The following PPP2R2B variants were observed in gnomAD, a reference collection of about 807,000 sequenced individuals.
PPP2R2B encodes protein phosphatase 2 regulatory subunit Bbeta.
PPP2R2B carries 5 observed loss-of-function variants against 46.0 expected under a neutral mutation model. The ratio of observed to expected loss-of-function variants is 0.11; its 90% CI spans 0.06 to 0.23. PPP2R2B has a LOEUF of 0.23. Ranked by LOEUF, PPP2R2B falls within the 10% of genes least tolerant of loss-of-function variation. The pLI is 1.00. For missense variants in PPP2R2B, 367 were observed against 575.0 expected, an observed-to-expected ratio of 0.64 and a Z score of 3.70; for synonymous variants, 215 against 206.7, an observed-to-expected ratio of 1.04 and a Z score of -0.34.
intron 2 of PPP2R2B, among the ~76,000 whole-genome samples, chr5:146,773,703 T>G (rs1331224053): frequency 6.6e-6 from 1 of 152,196 alleles, no homozygotes; most frequent in Non-Finnish European, 1.5e-5. Flanking sequence ...AATTCTCTTT[T>G]TTTCTGCATG....
chr5:146,715,461 G>C (rs971315427), intron 2 of PPP2R2B, among the ~76,000 whole-genome samples: 1 of 152,052 alleles, frequency 6.6e-6, no homozygotes, highest in South Asian at 2.1e-4. Flanking sequence ...TGCAAGCCAG[G>C]CACGGCGTTC....
At chr5:146,741,595 C>T (rs983676698) in intron 2 of PPP2R2B, among the ~76,000 whole-genome samples, 4 of 152,064 alleles carry the variant, frequency 2.6e-5, no homozygotes, top group South Asian at 2.1e-4. Context: ...GAAGGGCGAC[C>T]GCCTCTCGGG....
intron 1 of PPP2R2B, among the ~76,000 whole-genome samples, chr5:146,884,272 C>A (rs1185369143): frequency 3.3e-5 from 5 of 151,968 alleles, no homozygotes; most frequent in Non-Finnish European, 7.4e-5. Context: ...ACCATTCAAC[C>A]AAACTTCTGC....
chr5:146,698,298 GAAAAA>G (rs779839513), intron 3 of PPP2R2B, among the ~76,000 whole-genome samples, 154 bp from the exon 4 acceptor site: 6 of 14,496 alleles, frequency 4.1e-4, no homozygotes, highest in African/African-American at 1.6e-3. Flanking sequence ...TAGCACCTCT[GAAAAA>G]AAAAAAAAAA....
rs142634233 is a variant in PPP2R2B at position 146,638,284 on chromosome 5, G to T, written c.757C>A (p.Arg253=). 2.5e-5 allele frequency: 41 copies of T among 1,613,814 alleles called. No homozygotes were observed. The highest frequency in any genetic ancestry group is 1.7e-4 in the Middle Eastern group (1 of 6,060). ...TGCCTGTCACACAGGGCAGATGCCC[G>T]CATGTCACACAGCCGGATTGTCCCT... ...SKGTIRLCDM[R]ASALCDRHTK... Residue 253 remains arginine (R), a synonymous_variant, in exon 7 of 10, where the codon CGG becomes AGG. Coordinates refer to ENST00000394411, the MANE Select transcript of PPP2R2B (RefSeq NM_181675.4).
intron 1 of PPP2R2B, among the ~76,000 whole-genome samples, chr5:146,970,349 C>T (rs1018280980): frequency 6.6e-6 from 1 of 151,716 alleles, no homozygotes; most frequent in African/African-American, 2.4e-5. Context: ...GCCTGTAATC[C>T]CAGCATTTTG....
chr5:146,903,908 A>G (rs1435827505), intron 1 of PPP2R2B, among the ~76,000 whole-genome samples: 1 of 152,224 alleles, frequency 6.6e-6, no homozygotes, highest in East Asian at 1.9e-4. Flanking sequence ...GTTGGCACAC[A>G]GTACCAAATG....
intron 2 of PPP2R2B, among the ~76,000 whole-genome samples, chr5:146,848,913 T>C (rs1164403660): frequency 2.0e-5 from 3 of 152,238 alleles, no homozygotes; most frequent in Admixed American, 2.0e-4. Context: ...ATTGATTTTA[T>C]ACTTTGGGAT....
chr5:146,736,407 A>C (rs1419760989), intron 2 of PPP2R2B, among the ~76,000 whole-genome samples: 1 of 152,142 alleles, frequency 6.6e-6, no homozygotes, highest in Admixed American at 6.5e-5. Flanking sequence ...TCATCACAGA[A>C]ATCTTATGAT....
intron 1 of PPP2R2B, among the ~76,000 whole-genome samples, chr5:147,007,534 C>G (rs1754502600): frequency 6.6e-6 from 1 of 152,162 alleles, no homozygotes; most frequent in African/African-American, 2.4e-5. Flanking sequence ...AAGCTGGCCA[C>G]CGGAGCCAGC....
intron 7 of PPP2R2B, among the ~76,000 whole-genome samples, chr5:146,619,515 C>T (rs1390566921): frequency 4.6e-5 from 7 of 152,182 alleles, no homozygotes; most frequent in Non-Finnish European, 2.9e-5. Flanking sequence ...TTCCACTCTG[C>T]TCCGGCTGAA....
chr5:146,893,939 G>A (rs1296146500), intron 1 of PPP2R2B, among the ~76,000 whole-genome samples: 3 of 151,224 alleles, frequency 2.0e-5, no homozygotes, highest in Non-Finnish European at 4.4e-5. Flanking sequence ...CCAGCTACTC[G>A]GGAGGCTGAG....
chr5:146,589,660 G>C lies in PPP2R2B; in HGVS notation c.*287C>G, dbSNP rs986376872. The stretch of plus-strand genomic sequence containing the variant: ...TAGGAACAAAACACTGGACCCACCA[G>C]AGAAAACTGGGCAATAAAAGCATCA... On this transcript the variant is annotated 3_prime_UTR_variant, in exon 10 of 10. Transcript: ENST00000394411. The C allele has an allele frequency of 5.3e-6, 2 of 375,482 alleles. No homozygotes were observed. The highest frequency in any genetic ancestry group is 9.6e-6 in the Non-Finnish European group (2 of 207,506). 23.3% of individuals were successfully genotyped at this position (375,482 alleles called of 1,614,324 possible). A position where few individuals can be genotyped will look rare whatever the true frequency, so the allele number is the denominator to read the frequency against.
chr5:146,813,326 T>A (rs1757744153), intron 2 of PPP2R2B, among the ~76,000 whole-genome samples: 1 of 152,064 alleles, frequency 6.6e-6, no homozygotes, highest in African/African-American at 2.4e-5. Context: ...ATTATTTGGA[T>A]GCATATTTTT....
intron 2 of PPP2R2B, among the ~76,000 whole-genome samples, chr5:146,832,377 A>ATTTTTT: frequency 9.6e-6 from 1 of 104,298 alleles, no homozygotes; most frequent in Non-Finnish European, 2.0e-5. Context: ...GCCATTTTTA[A>ATTTTTT]TCTTTTTTTT....
At chr5:146,695,857 G>A (rs1378446041) in intron 4 of PPP2R2B, among the ~76,000 whole-genome samples, 4 of 152,000 alleles carry the variant, frequency 2.6e-5, no homozygotes, top group Non-Finnish European at 5.9e-5. Context: ...GCCTAAGGGG[G>A]ATTCTCAACC....
intron 2 of PPP2R2B, among the ~76,000 whole-genome samples, chr5:147,067,374 T>A (rs989789145): frequency 2.6e-5 from 4 of 152,106 alleles, no homozygotes; most frequent in African/African-American, 7.2e-5. Flanking sequence ...TGTGCTTGAC[T>A]TTTTTAGATT....
chr5:146,990,517 T>C (rs796331783), intron 1 of PPP2R2B, among the ~76,000 whole-genome samples: 4 of 152,176 alleles, frequency 2.6e-5, no homozygotes, highest in South Asian at 2.1e-4. Context: ...GATAGTCACA[T>C]GAAGAAGAAT....
At chr5:146,875,712 C>A (rs144729348) in intron 2 of PPP2R2B, among the ~76,000 whole-genome samples, 4 of 152,300 alleles carry the variant, frequency 2.6e-5, no homozygotes, top group Non-Finnish European at 5.9e-5. Context: ...AAAGCAAGAT[C>A]TATGGAAGGA....
Sources: allele counts gnomAD v4.1 joint callset (sites outside exome capture counted in the v4.1 genomes callset), GRCh38; gene constraint gnomAD v4.1.1; transcripts MANE v1.5; gene names NCBI Gene and HGNC (gene_info 2026-07-23, HGNC 2026-07-21).